The following POU2F1 variants were observed in gnomAD, a reference collection of about 807,000 sequenced individuals.
The protein encoded by POU2F1 is POU domain, class 2, transcription factor 1.
POU2F1 carries 16 observed loss-of-function variants against 84.9 expected under a neutral mutation model. The observed-to-expected ratio is 0.19, with a 90% CI of 0.13 to 0.29. The LOEUF is 0.29. Ranked by LOEUF, POU2F1 falls within the 10% of genes least tolerant of loss-of-function variation. The pLI, the probability that POU2F1 is intolerant of heterozygous loss-of-function variation, is 1.00. For synonymous variants in POU2F1, 368 were observed against 368.3 expected (o/e 1.00, Z 0.01); for missense variants, 738 against 942.6 (o/e 0.78, Z 2.84).
At chr1:167,240,832 C>A in intron 1 of POU2F1, among the ~76,000 whole-genome samples, 1 of 152,106 alleles carries the variant, frequency 6.6e-6, no homozygotes, top group East Asian at 1.9e-4. Context: ...TTTGGGGACA[C>A]CTTGTTCTGT....
intron 9 of POU2F1, among the ~76,000 whole-genome samples, chr1:167,390,462 AG>A (rs1394099260): frequency 1.3e-5 from 2 of 152,192 alleles, no homozygotes; most frequent in Non-Finnish European, 2.9e-5. Flanking sequence ...ATTAGCTAAA[AG>A]GGGAAAAGTT....
intron 1 of POU2F1, among the ~76,000 whole-genome samples, chr1:167,268,020 G>A (rs144192614): frequency 2.6e-5 from 4 of 152,096 alleles, no homozygotes; most frequent in Non-Finnish European, 5.9e-5. Context: ...TGCAGGTGGC[G>A]CTGGTGGTTT....
intron 1 of POU2F1, among the ~76,000 whole-genome samples, chr1:167,242,418 A>G (rs1053117419): frequency 2.0e-4 from 31 of 152,372 alleles, no homozygotes; most frequent in African/African-American, 6.3e-4. Flanking sequence ...CTGCAAAGCT[A>G]TAAAAGCTGG....
At chr1:167,222,526 CA>C (rs1648311191) in intron 1 of POU2F1, among the ~76,000 whole-genome samples, 2 of 152,056 alleles carry the variant, frequency 1.3e-5, no homozygotes, top group African/African-American at 2.4e-5. Context: ...AGATCAAACC[CA>C]GGCCGTGCTG....
chr1:167,365,360 A>G lies in POU2F1; in HGVS notation c.128-107A>G, dbSNP rs1330021153. ...TCCCTTCTCCTTGGAGGTACTTAGAAAAGTACTTATGCAAAATAGGTGCCT... is the reference window on the plus strand; with the variant it reads ...TCCCTTCTCCTTGGAGGTACTTAGAGAAGTACTTATGCAAAATAGGTGCCT... On this transcript the variant is annotated intron_variant, in intron 2 of 15. Transcript: ENST00000367866. 4.2e-6 allele frequency: 3 copies of G among 722,704 alleles called. No homozygotes were observed. In the East Asian group the frequency reaches 9.4e-5, roughly 23 times the overall value. 44.8% of individuals were successfully genotyped at this position (722,704 alleles called of 1,614,324 possible). A position where few individuals can be genotyped will look rare whatever the true frequency, so the allele number is the denominator to read the frequency against.
intron 1 of POU2F1, among the ~76,000 whole-genome samples, chr1:167,270,300 C>G (rs970077171): frequency 9.9e-5 from 15 of 151,892 alleles, no homozygotes; most frequent in Non-Finnish European, 2.9e-5. Context: ...AAAAAAAAGG[C>G]CTGTTAACTA....
chr1:167,277,658 G>T (rs1443372842), intron 1 of POU2F1, among the ~76,000 whole-genome samples: 1 of 152,052 alleles, frequency 6.6e-6, no homozygotes, highest in Non-Finnish European at 1.5e-5. Flanking sequence ...TCAGTCCTAG[G>T]CTTCCATTTC....
chr1:167,422,509 C>T lies in POU2F1; in HGVS notation c.*6699C>T, dbSNP rs1340669315. 6.6e-6 allele frequency: 1 copy of T among 152,112 alleles called. No individual in the cohort carries two copies. Among genetic ancestry groups the T allele is most frequent in the African/African-American group, 2.4e-5 (1 of 41,424 alleles). The allele number at this position is 152,112 out of a possible 1,614,324, so 9.4% of individuals were successfully genotyped here. A position where few individuals can be genotyped will look rare whatever the true frequency, so the allele number is the denominator to read the frequency against. On this transcript the variant is annotated 3_prime_UTR_variant, in exon 16 of 16. Transcript: ENST00000367866. The stretch of plus-strand genomic sequence containing the variant: ...TTGAAAGCTAACCTGCCCACCTCAC[C>T]CCTGTGATACAAAGTGTGAACCTTA...
intron 2 of POU2F1, among the ~76,000 whole-genome samples, chr1:167,360,498 G>A (rs1659285936): frequency 6.6e-6 from 1 of 152,134 alleles, no homozygotes; most frequent in Admixed American, 6.5e-5. Context: ...AGATCAGTTG[G>A]GTGTAGGTGT....
At chr1:167,338,731 G>A (rs371918365) in intron 2 of POU2F1, among the ~76,000 whole-genome samples, 3 of 152,056 alleles carry the variant, frequency 2.0e-5, no homozygotes, top group Non-Finnish European at 4.4e-5. Flanking sequence ...AGATTATTCC[G>A]TATTGTAGCA....
At chr1:167,331,286 T>C (rs1253943103) in intron 1 of POU2F1, among the ~76,000 whole-genome samples, 2 of 152,038 alleles carry the variant, frequency 1.3e-5, no homozygotes, top group Non-Finnish European at 2.9e-5. Context: ...AAAGAAAGAC[T>C]CCTGATTTTT....
chr1:167,381,411 C>T (rs527540808), intron 7 of POU2F1, among the ~76,000 whole-genome samples: 20 of 151,888 alleles, frequency 1.3e-4, no homozygotes, highest in African/African-American at 4.8e-4. Flanking sequence ...AAGTTCTAAA[C>T]CTCTATGGGC....
chr1:167,247,160 C>G (rs924138356), intron 1 of POU2F1, among the ~76,000 whole-genome samples: 21 of 151,910 alleles, frequency 1.4e-4, no homozygotes, highest in African/African-American at 4.8e-4. Context: ...ACTGCACTCT[C>G]AACCTTCTGG....
chr1:167,264,881 T>G (rs910798895), intron 1 of POU2F1, among the ~76,000 whole-genome samples: 12 of 152,166 alleles, frequency 7.9e-5, no homozygotes, highest in Non-Finnish European at 4.4e-5. Flanking sequence ...GGAGTAAATC[T>G]CCGAGACATG....
intron 1 of POU2F1, among the ~76,000 whole-genome samples, chr1:167,261,249 T>A (rs563623852): frequency 1.1e-4 from 16 of 152,352 alleles, no homozygotes; most frequent in African/African-American, 3.8e-4. Flanking sequence ...TAGGTTTTTT[T>A]AAATGGTCAC....
intron 13 of POU2F1, among the ~76,000 whole-genome samples, chr1:167,407,127 C>T (rs1015086400): frequency 2.6e-5 from 4 of 152,040 alleles, no homozygotes; most frequent in African/African-American, 7.2e-5. Context: ...ACTTCCCAGG[C>T]TCAAGCAGTC....
intron 1 of POU2F1, among the ~76,000 whole-genome samples, chr1:167,262,292 A>C (rs1008425119): frequency 6.6e-6 from 1 of 152,024 alleles, no homozygotes; most frequent in African/African-American, 2.4e-5. Flanking sequence ...TCAGCCTCCC[A>C]AGTAGCTGGA....
chr1:167,267,949 C>CT (rs1440561073), intron 1 of POU2F1, among the ~76,000 whole-genome samples: 3 of 151,958 alleles, frequency 2.0e-5, no homozygotes, highest in Non-Finnish European at 4.4e-5. Flanking sequence ...CCTACTGTGT[C>CT]TTTTTTAAAA....
At chr1:167,368,182 G>C (rs571864988) in intron 3 of POU2F1, among the ~76,000 whole-genome samples, 3 of 152,226 alleles carry the variant, frequency 2.0e-5, no homozygotes, top group Middle Eastern at 6.8e-3. Context: ...CAATTCCTCA[G>C]CATGTCTTTG....
Sources: allele counts gnomAD v4.1 joint callset (sites outside exome capture counted in the v4.1 genomes callset), GRCh38; gene constraint gnomAD v4.1.1; transcripts MANE v1.5; gene names NCBI Gene and HGNC (gene_info 2026-07-23, HGNC 2026-07-21).